MACROD2: variants seen among roughly 807,000 people sequenced by gnomAD.
MACROD2 encodes the protein mono-ADP ribosylhydrolase 2.
In MACROD2, 36 loss-of-function variants were observed where a neutral mutation model predicts 70.4. The observed-to-expected ratio is 0.51, with a 90% CI of 0.39 to 0.68. The LOEUF (loss-of-function observed/expected upper bound fraction) is 0.68, where lower values mean the gene tolerates loss of function less well. Among genes scored for constraint, MACROD2 ranks in the 30% least tolerant of loss-of-function variants. The probability of loss-of-function intolerance (pLI) is 0.00; values close to 1 mark genes in which losing one functional copy is unlikely to be tolerated. For missense variants in MACROD2, 496 were observed against 538.4 expected, an observed-to-expected ratio of 0.92 and a Z score of 0.78; for synonymous variants, 172 against 178.8, an observed-to-expected ratio of 0.96 and a Z score of 0.30.
At chr20:15,305,274 A>G (rs1270311805) in intron 6 of MACROD2, among the ~76,000 whole-genome samples, 2 of 151,750 alleles carry the variant, frequency 1.3e-5, no homozygotes, top group South Asian at 2.1e-4. Context: ...TATTTTCTCC[A>G]TGAAACAGCG....
chr20:15,789,280 A>G (rs2051981432), intron 8 of MACROD2, among the ~76,000 whole-genome samples: 1 of 152,196 alleles, frequency 6.6e-6, no homozygotes, highest in South Asian at 2.1e-4. Flanking sequence ...GCATGTTTTG[A>G]ACTGTCTTTT....
chr20:14,393,510 G>C (rs1285609036), intron 3 of MACROD2, among the ~76,000 whole-genome samples: 1 of 151,846 alleles, frequency 6.6e-6, no homozygotes. Flanking sequence ...ATCTCTTTCT[G>C]CTCATGACTG....
intron 3 of MACROD2, among the ~76,000 whole-genome samples, chr20:14,382,254 G>T (rs1472466144): frequency 1.3e-5 from 2 of 151,666 alleles, no homozygotes; most frequent in Non-Finnish European, 2.9e-5. Context: ...TAGAGACGGG[G>T]TTTCACCATG....
intron 8 of MACROD2, among the ~76,000 whole-genome samples, chr20:15,641,768 T>C (rs1253996004): frequency 6.6e-6 from 1 of 152,226 alleles, no homozygotes; most frequent in Non-Finnish European, 1.5e-5. Flanking sequence ...AGTTTTATTA[T>C]AATTTTTTTA....
chr20:15,066,994 CAA>C (rs977871169), intron 5 of MACROD2, among the ~76,000 whole-genome samples: 22 of 150,092 alleles, frequency 1.5e-4, no homozygotes, highest in Non-Finnish European at 3.0e-5. Context: ...AATTTCAAAA[CAA>C]AAAAAACACA....
chr20:15,885,784 G>A lies in MACROD2; in HGVS notation c.748G>A (p.Glu250Lys). ...FSVDDNNEEE[E>K]DVEMKEDSDE... The stretch of plus-strand genomic sequence containing the variant: ...AACAGACGATAATAATGAAGAAGAA[G>A]AGGATGTTGAAATGAAAGAAGATTC... Residue 250 changes from glutamate (E) to lysine (K), a missense_variant, in exon 10 of 18, where the codon GAG becomes AAG. By Grantham distance (56) the Glu-to-Lys change is moderately conservative (BLOSUM62 1). Coordinates refer to ENST00000684519, the MANE Select transcript of MACROD2 (RefSeq NM_001351661.2). 6.7e-7 allele frequency: 1 copy of A among 1,493,632 alleles called. No individual in the cohort carries two copies. The highest frequency in any genetic ancestry group is 2.6e-5 in the East Asian group (1 of 38,908). The allele number at this position is 1,493,632 out of a possible 1,614,324, so 92.5% of individuals were successfully genotyped here.
intron 4 of MACROD2, among the ~76,000 whole-genome samples, chr20:14,503,664 C>A (rs1167098648): frequency 1.3e-5 from 2 of 152,168 alleles, no homozygotes; most frequent in Non-Finnish European, 2.9e-5. Flanking sequence ...TTATTTCTGA[C>A]CAACAAAAAG....
rs183529154 is a variant in MACROD2, at chr20:14,002,359, A to G, written c.118A>G (p.Ile40Val). 1.2e-6 allele frequency: 2 copies of G among 1,610,476 alleles called. No homozygotes were observed. Among genetic ancestry groups the G allele is most frequent in the African/African-American group, 1.3e-5 (1 of 74,872 alleles). The change falls in exon 2 of 18, where the codon ATT becomes GTT. Residue 40 changes from isoleucine to valine, a missense_variant. Coordinates refer to ENST00000684519, the MANE Select transcript of MACROD2 (RefSeq NM_001351661.2). ...AAGAGACTATATTCCCCTGAACAGC[A>G]TTCTATCATGGAAGGAGGAGATGAA... ...YLRDYIPLNS[I>V]LSWKEEMKGK...
At chr20:14,030,858 G>C (rs1246424733) in intron 2 of MACROD2, among the ~76,000 whole-genome samples, 1 of 151,688 alleles carries the variant, frequency 6.6e-6, no homozygotes, top group Non-Finnish European at 1.5e-5. Context: ...AGTTCAAATG[G>C]TCATTACCAG....
intron 4 of MACROD2, among the ~76,000 whole-genome samples, chr20:14,600,517 T>C (rs979744835): frequency 2.6e-5 from 4 of 152,146 alleles, no homozygotes; most frequent in East Asian, 1.9e-4. Flanking sequence ...TTAATTTTTA[T>C]TGGGCTCTTA....
intron 8 of MACROD2, among the ~76,000 whole-genome samples, chr20:15,627,593 G>C (rs2049224064): frequency 6.6e-6 from 1 of 152,064 alleles, no homozygotes; most frequent in African/African-American, 2.4e-5. Flanking sequence ...CTGTCCTCTT[G>C]AGCTGACTTA....
chr20:14,740,201 T>G (rs2071716752), intron 5 of MACROD2, among the ~76,000 whole-genome samples: 1 of 152,118 alleles, frequency 6.6e-6, no homozygotes, highest in Admixed American at 6.6e-5. Context: ...TTGAGCATAG[T>G]CTCTTAAATT....
chr20:14,119,680 A>G (rs1015463835), intron 3 of MACROD2, among the ~76,000 whole-genome samples: 3 of 152,168 alleles, frequency 2.0e-5, no homozygotes, highest in Admixed American at 2.0e-4. Context: ...TCCATTTGAC[A>G]CTTATATGTC....
intron 8 of MACROD2, among the ~76,000 whole-genome samples, chr20:15,781,146 G>A (rs2051824422): frequency 6.6e-6 from 1 of 152,088 alleles, no homozygotes; most frequent in African/African-American, 2.4e-5. Context: ...CTCTATAGGA[G>A]AAATTCTCTT....
chr20:15,722,829 GTAT>G (rs1440430172), intron 8 of MACROD2, among the ~76,000 whole-genome samples: 1 of 151,934 alleles, frequency 6.6e-6, no homozygotes, highest in African/African-American at 2.4e-5. Flanking sequence ...CTATCATTTT[GTAT>G]TATTTCTCTA....
chr20:15,430,591 A>G (rs1199473224), intron 6 of MACROD2, among the ~76,000 whole-genome samples: 1 of 151,986 alleles, frequency 6.6e-6, no homozygotes, highest in Non-Finnish European at 1.5e-5. Flanking sequence ...GTACATTTAT[A>G]TTTGTCAATT....
At chr20:14,383,358 TAAAC>T (rs926855876) in intron 3 of MACROD2, among the ~76,000 whole-genome samples, 2 of 152,004 alleles carry the variant, frequency 1.3e-5, no homozygotes, top group South Asian at 2.1e-4. Flanking sequence ...GAATAAATAG[TAAAC>T]AAACAAACAA....
chr20:14,697,057 G>T (rs1220276102), intron 5 of MACROD2, among the ~76,000 whole-genome samples: 1 of 152,154 alleles, frequency 6.6e-6, no homozygotes, highest in Non-Finnish European at 1.5e-5. Flanking sequence ...TTGTGGAGCT[G>T]TTTGGGAAAG....
intron 6 of MACROD2, among the ~76,000 whole-genome samples, chr20:15,283,551 A>G (rs561539850): frequency 6.6e-6 from 1 of 152,236 alleles, no homozygotes; most frequent in South Asian, 2.1e-4. Context: ...AGGTGCCTGT[A>G]ATCCCAGCTA....
Sources: gnomAD v4.1 joint callset for allele counts (sites outside exome capture counted in the v4.1 genomes callset) on GRCh38, gnomAD v4.1.1 for gene constraint, MANE v1.5 for transcripts, NCBI Gene and HGNC (gene_info 2026-07-23, HGNC 2026-07-21) for gene names.